PDS5A: variants seen among roughly 807,000 people sequenced by gnomAD.
The protein encoded by PDS5A is sister chromatid cohesion protein PDS5 homolog A.
In PDS5A, 42 loss-of-function variants were observed where a neutral mutation model predicts 167.1. The ratio of observed to expected loss-of-function variants is 0.25; its 90% CI spans 0.20 to 0.33. The LOEUF is 0.33. PDS5A is among the 10% of genes least tolerant of loss of function. The pLI is 1.00. For synonymous variants in PDS5A, 553 were observed against 554.6 expected, an observed-to-expected ratio of 1.00 and a Z score of 0.04; for missense variants, 1,033 against 1,605.9, an observed-to-expected ratio of 0.64 and a Z score of 6.10.
At chr4:39,883,681 G>GA (rs1721158606) in intron 17 of PDS5A, among the ~76,000 whole-genome samples, 1 of 151,976 alleles carries the variant, frequency 6.6e-6, no homozygotes, top group Admixed American at 6.6e-5. Context: ...TGTTGCCCAG[G>GA]AGAGAGTGAA....
rs572655468 is a variant in PDS5A, at chr4:39,874,952, A to G, written c.2154-540T>C. Among the ~76,000 whole-genome samples the G allele has an allele frequency of 5.9e-5, 9 of 152,324 alleles. No individual in the cohort carries two copies. The South Asian group carries it at 1.4e-3, about 25-fold the overall frequency. ...CAGGCACCATTCTAGGTATTTCCGCATGGATTAATTCAACTAATGTTCACA... is the reference window on the plus strand; with the variant it reads ...CAGGCACCATTCTAGGTATTTCCGCGTGGATTAATTCAACTAATGTTCACA... On this transcript the variant is annotated intron_variant, in intron 19 of 32. Transcript: ENST00000303538.
At chr4:39,909,097 C>T (rs549629216) in intron 10 of PDS5A, among the ~76,000 whole-genome samples, 17 of 79,074 alleles carry the variant, frequency 2.1e-4, no homozygotes, top group African/African-American at 5.4e-4. Context: ...AAATAAAATA[C>T]TTCACAGTTA....
At chr4:39,912,285 T>C (rs1723961422) in intron 9 of PDS5A, among the ~76,000 whole-genome samples, 2 of 152,164 alleles carry the variant, frequency 1.3e-5, no homozygotes, top group African/African-American at 2.4e-5. Context: ...CAGAAACTTA[T>C]ATTGGGTGAT....
chr4:39,931,757 G>A lies in PDS5A; in HGVS notation c.139-3593C>T, dbSNP rs1578768694. ...AGGACAGCCCCGTTCAGTGTTGCAG[G>A]GGACTATACAAGGGAGTAAATACAA... On this transcript the variant is annotated intron_variant, in intron 2 of 32. Transcript: ENST00000303538. Among the ~76,000 whole-genome samples, 3 of 152,084 alleles carry A rather than the reference G, an allele frequency of 2.0e-5. No homozygotes were observed. The South Asian group carries it at 6.2e-4, about 32-fold the overall frequency.
chr4:39,869,293 A>C, intron 22 of PDS5A, 101 bp downstream of exon 22: 1 of 780,468 alleles, frequency 1.3e-6, no homozygotes, highest in South Asian at 1.5e-5. Flanking sequence ...CAACACAGCA[A>C]GATCCCATCT....
intron 17 of PDS5A, among the ~76,000 whole-genome samples, chr4:39,886,105 CCT>C (rs1315831601): frequency 3.3e-5 from 5 of 152,202 alleles, no homozygotes; most frequent in African/African-American, 1.2e-4. Context: ...GTTCTTGACA[CCT>C]CTGTCAGAAA....
rs150136201 is a variant in PDS5A at position 39,829,649 on chromosome 4, C to CAA, written c.4011-4163_4011-4162dup. Among the ~76,000 whole-genome samples, 541 of 107,890 alleles carry CAA rather than the reference C, an allele frequency of 5.0e-3. 3 individuals are homozygous for CAA. The highest frequency in any genetic ancestry group is 0.017 in the African/African-American group (490 of 28,112). 70.8% of individuals were successfully genotyped at this position (107,890 alleles called of 152,430 possible). A position where few individuals can be genotyped will look rare whatever the true frequency, so the allele number is the denominator to read the frequency against. On this transcript the variant is annotated intron_variant, in intron 32 of 32. Coordinates refer to ENST00000303538, the MANE Select transcript of PDS5A (RefSeq NM_001100399.2). ...GTGACAGAGTGAGACTTCATCTCCACAAAAAAAAAAAAAAATTTCCGGCCA... is the reference window on the plus strand; with the variant it reads ...GTGACAGAGTGAGACTTCATCTCCACAAAAAAAAAAAAAAAAATTTCCGGCCA...
chr4:39,890,204 TG>T, intron 17 of PDS5A, 44 bp downstream of exon 17: 1 of 1,023,420 alleles, frequency 9.8e-7, no homozygotes. Flanking sequence ...ACATTGTCGT[TG>T]CAGATTATTA....
At chr4:39,831,301 A>G (rs902546068) in intron 32 of PDS5A, among the ~76,000 whole-genome samples, 2 of 152,104 alleles carry the variant, frequency 1.3e-5, no homozygotes, top group African/African-American at 4.8e-5. Flanking sequence ...GAGTTTCACC[A>G]TATTGGCCAG....
At chr4:39,847,541 C>T (rs1314099634) in intron 28 of PDS5A, 1 of 151,908 alleles carries the variant, frequency 6.6e-6, no homozygotes, top group Non-Finnish European at 1.5e-5. Flanking sequence ...GAGTTGGAGG[C>T]TGCAGTGAGC....
chr4:39,878,625 T>C (rs1161213943), intron 18 of PDS5A, among the ~76,000 whole-genome samples: 1 of 152,016 alleles, frequency 6.6e-6, no homozygotes, highest in African/African-American at 2.4e-5. Flanking sequence ...AAGCAATCTA[T>C]TAAAAAATGT....
chr4:39,951,994 A>G (rs953128336), intron 2 of PDS5A, among the ~76,000 whole-genome samples: 23 of 152,072 alleles, frequency 1.5e-4, no homozygotes, highest in African/African-American at 5.6e-4. Flanking sequence ...AGTTTTAACA[A>G]AAAAGATCAC....
intron 26 of PDS5A, among the ~76,000 whole-genome samples, chr4:39,857,882 T>C (rs934493278): frequency 1.1e-4 from 16 of 152,128 alleles, no homozygotes; most frequent in Admixed American, 3.3e-4. Flanking sequence ...GCTGCCAGGC[T>C]GGTCTCAAAT....
At chr4:39,910,158 C>T in intron 10 of PDS5A, 86 bp downstream of exon 10, 2 of 660,796 alleles carry the variant, frequency 3.0e-6, no homozygotes, top group Non-Finnish European at 2.7e-6. Flanking sequence ...TTAAAACCTA[C>T]TTGGAAAGTG....
intron 2 of PDS5A, among the ~76,000 whole-genome samples, chr4:39,931,692 G>A (rs149115606): frequency 1.3e-3 from 197 of 152,248 alleles, no homozygotes; most frequent in African/African-American, 4.4e-3. Flanking sequence ...ACCTTGAAAA[G>A]CATACATTGT....
At chr4:39,957,564 CCA>C (rs1251291132) in intron 2 of PDS5A, among the ~76,000 whole-genome samples, 1 of 151,658 alleles carries the variant, frequency 6.6e-6, no homozygotes, top group African/African-American at 2.4e-5. Flanking sequence ...AGAGGGCGGA[CCA>C]CGAGGTCAGG....
At chr4:39,935,066 T>A (rs1031311797) in intron 2 of PDS5A, among the ~76,000 whole-genome samples, 3 of 152,244 alleles carry the variant, frequency 2.0e-5, no homozygotes, top group Non-Finnish European at 2.9e-5. Context: ...GCTTTGTGTG[T>A]CCTACCTAAG....
At chr4:39,861,997 G>A (rs937476120) in intron 26 of PDS5A, among the ~76,000 whole-genome samples, 1 of 151,988 alleles carries the variant, frequency 6.6e-6, no homozygotes, top group Non-Finnish European at 1.5e-5. Flanking sequence ...CAAAGACTTA[G>A]ATAGCTTAAC....
intron 26 of PDS5A, among the ~76,000 whole-genome samples, chr4:39,857,419 A>G (rs1391770716): frequency 6.6e-6 from 1 of 152,042 alleles, no homozygotes; most frequent in Non-Finnish European, 1.5e-5. Context: ...AAGGTTCACC[A>G]CAAAAAAGCC....
Sources: allele counts gnomAD v4.1 joint callset (sites outside exome capture counted in the v4.1 genomes callset), GRCh38; gene constraint gnomAD v4.1.1; transcripts MANE v1.5; gene names NCBI Gene and HGNC (gene_info 2026-07-23, HGNC 2026-07-21).